DYM: variants seen among roughly 807,000 people sequenced by gnomAD.
The protein encoded by DYM is dyggve-Melchior-Clausen syndrome protein.
DYM carries 78 observed loss-of-function variants against 93.1 expected under a neutral mutation model. The ratio of observed to expected loss-of-function variants is 0.84; its 90% confidence interval spans 0.70 to 1.01. DYM has a LOEUF of 1.01. Ranked by LOEUF, DYM falls within the 50% of genes least tolerant of loss-of-function variation. DYM has a pLI of 0.00. For missense variants in DYM, 789 were observed against 845.0 expected (o/e 0.93, Z 0.82); for synonymous variants, 321 against 319.7 (o/e 1.00, Z -0.04).
At chr18:49,333,564 G>C (rs549940275) in intron 7 of DYM, among the ~76,000 whole-genome samples, 164 bp downstream of exon 7, 1 of 152,168 alleles carries the variant, frequency 6.6e-6, no homozygotes, top group Non-Finnish European at 1.5e-5. Flanking sequence ...GATGGCACAG[G>C]AAAGTAGAAT....
At chr18:49,387,923 G>A (rs1274634343) in intron 3 of DYM, among the ~76,000 whole-genome samples, 2 of 152,074 alleles carry the variant, frequency 1.3e-5, no homozygotes, top group African/African-American at 4.8e-5. Flanking sequence ...TAGCTGAAGA[G>A]TATACAAGAA....
At position 49,070,028 on chromosome 18, in the gene DYM, G is replaced by A. The variant is rs994719383; in HGVS notation, c.2026-25824C>T. Among the ~76,000 whole-genome samples, 8 of 152,270 alleles carry A rather than the reference G, an allele frequency of 5.3e-5. No homozygotes were observed. The South Asian group carries it at 6.2e-4, about 12-fold the overall frequency. ...AGCACTCCCGCCTGGGCAACAGAGC[G>A]AGACTCTGTCTCAAAAACAGACAAA... On this transcript the variant is annotated intron_variant, in intron 17 of 17. Coordinates refer to ENST00000675505, the MANE Select transcript of DYM (RefSeq NM_001353214.3).
intron 17 of DYM, among the ~76,000 whole-genome samples, chr18:49,066,115 G>A (rs1171665651): frequency 2.0e-5 from 3 of 146,836 alleles, no homozygotes; most frequent in Admixed American, 6.8e-5. Flanking sequence ...TGGTGCAAAA[G>A]TAATCGCGTT....
intron 13 of DYM, among the ~76,000 whole-genome samples, chr18:49,237,600 T>A (rs1256577624): frequency 2.0e-5 from 3 of 152,230 alleles, no homozygotes; most frequent in Non-Finnish European, 4.4e-5. Flanking sequence ...TAAAAATATT[T>A]ATGTGCCATG....
rs556396763 is a variant in DYM at position 49,404,691 on chromosome 18, T to G, written c.141-13046A>C. ...ATTAATGATGTGGAGCACTTTTTCA[T>G]GTTTGTTGGCTTCTTATATGTCTCC... On this transcript the variant is annotated intron_variant, in intron 2 of 17. Coordinates refer to ENST00000675505, the MANE Select transcript of DYM (RefSeq NM_001353214.3). Among the ~76,000 whole-genome samples, 4 of 152,314 alleles carry G rather than the reference T, an allele frequency of 2.6e-5. No homozygotes were observed. The South Asian group carries it at 8.3e-4, about 32-fold the overall frequency.
At chr18:49,201,042 G>T (rs1376086761) in intron 14 of DYM, among the ~76,000 whole-genome samples, 2 of 152,050 alleles carry the variant, frequency 1.3e-5, no homozygotes, top group Admixed American at 1.3e-4. Context: ...ATTTTTAAAT[G>T]GTTGGACAGT....
rs2070790848 is a variant in DYM at position 49,038,674 on chromosome 18, T to C, written c.*5381A>G. 1.3e-5 allele frequency among the ~76,000 whole-genome samples: 2 copies of C among 152,256 alleles called. No homozygotes were observed. The highest frequency in any genetic ancestry group is 1.3e-4 in the Admixed American group (2 of 15,288). ...GATTTATCACAAATATCTTGCTTTC[T>C]ATTTGTTCCACCTGTTCTGCTTTTT... On this transcript the variant is annotated 3_prime_UTR_variant, in exon 18 of 18. Transcript: ENST00000675505.
At chr18:49,283,938 A>T (rs758273119) in intron 9 of DYM, among the ~76,000 whole-genome samples, 2 of 151,856 alleles carry the variant, frequency 1.3e-5, no homozygotes, top group Non-Finnish European at 2.9e-5. Flanking sequence ...CAATACTAAC[A>T]CTGTATTTTT....
intron 8 of DYM, among the ~76,000 whole-genome samples, chr18:49,303,504 C>A (rs1234556239): frequency 1.3e-5 from 2 of 152,156 alleles, no homozygotes; most frequent in African/African-American, 4.8e-5. Context: ...TGGAGAGAGA[C>A]AGATCTGCAA....
chr18:49,437,195 TCA>T (rs1283235952), intron 1 of DYM, among the ~76,000 whole-genome samples: 1 of 152,166 alleles, frequency 6.6e-6, no homozygotes, highest in East Asian at 1.9e-4. Flanking sequence ...GAGAAAACAT[TCA>T]CAGTTTCTTG....
At position 49,288,503 on chromosome 18, in the gene DYM, G is replaced by T. The variant is rs1176581410; in HGVS notation, c.764-1887C>A. ...CTATAAAATGTCAAATCTAGGCTGG[G>T]TATAGGGGCTCATGCCTGTAATCCC... On this transcript the variant is annotated intron_variant, in intron 8 of 17. Transcript: ENST00000675505. 2.6e-5 allele frequency among the ~76,000 whole-genome samples: 4 copies of T among 152,174 alleles called. No homozygotes were observed. The East Asian group carries it at 5.8e-4, about 22-fold the overall frequency.
At chr18:49,206,011 G>GTTTGTTTTTTGTTTTTTTTT (rs2092475166) in intron 14 of DYM, 2 of 135,038 alleles carry the variant, frequency 1.5e-5, no homozygotes, top group African/African-American at 5.4e-5. Flanking sequence ...TTGTTTTTTT[G>GTTTGTTTTTTGTTTTTTTTT]TTTTTTGCGG....
chr18:49,205,484 CAT>C (rs1416541371), intron 14 of DYM, among the ~76,000 whole-genome samples: 1 of 151,858 alleles, frequency 6.6e-6, no homozygotes, highest in Non-Finnish European at 1.5e-5. Context: ...ATACATATAA[CAT>C]AACTATAATT....
intron 16 of DYM, among the ~76,000 whole-genome samples, chr18:49,115,863 TAGA>T (rs1417904255): frequency 1.3e-5 from 2 of 152,216 alleles, no homozygotes; most frequent in South Asian, 2.1e-4. Context: ...TTTAAAAAGA[TAGA>T]AGGATAGGAA....
At chr18:49,366,354 T>C (rs1026972192) in intron 5 of DYM, among the ~76,000 whole-genome samples, 4 of 152,240 alleles carry the variant, frequency 2.6e-5, no homozygotes, top group African/African-American at 7.2e-5. Context: ...AAAAAGAATC[T>C]TAAAAGTTCT....
At chr18:49,287,296 A>G (rs34776495) in intron 8 of DYM, among the ~76,000 whole-genome samples, 47,864 of 150,628 alleles carry the variant, frequency 0.32, 8,869 homozygotes, top group Middle Eastern at 0.47. Context: ...AATAAAAAAT[A>G]TGGTCATCTC....
At chr18:49,062,065 G>C (rs2076023771) in intron 17 of DYM, among the ~76,000 whole-genome samples, 1 of 152,142 alleles carries the variant, frequency 6.6e-6, no homozygotes, top group Non-Finnish European at 1.5e-5. Flanking sequence ...TAGCTGCAGA[G>C]ACAAGCCTCC....
At chr18:49,249,587 T>C (rs1299319880) in intron 13 of DYM, among the ~76,000 whole-genome samples, 1 of 151,760 alleles carries the variant, frequency 6.6e-6, no homozygotes, top group Non-Finnish European at 1.5e-5. Flanking sequence ...TCCATGAGCC[T>C]GAATGGTCTA....
intron 16 of DYM, among the ~76,000 whole-genome samples, chr18:49,107,257 T>G (rs2080922119): frequency 6.6e-6 from 1 of 152,216 alleles, no homozygotes; most frequent in African/African-American, 2.4e-5. Flanking sequence ...TCAGCTCCAT[T>G]AGGTCCTTTA....
Sources: allele counts gnomAD v4.1 joint callset (sites outside exome capture counted in the v4.1 genomes callset), GRCh38; gene constraint gnomAD v4.1.1; transcripts MANE v1.5; gene names NCBI Gene and HGNC (gene_info 2026-07-23, HGNC 2026-07-21).